SMYD3: variants seen among roughly 807,000 people sequenced by gnomAD.
SMYD3 encodes SET and MYND domain containing 3.
SMYD3 carries 36 observed loss-of-function variants against 57.7 expected under a neutral mutation model. That is an observed-to-expected ratio of 0.62 (90% CI 0.48 to 0.82). The LOEUF (loss-of-function observed/expected upper bound fraction) is 0.82, where lower values mean the gene tolerates loss of function less well. SMYD3 is among the 40% of genes least tolerant of loss of function. The pLI is 0.00. For missense variants in SMYD3, 515 were observed against 538.8 expected, an observed-to-expected ratio of 0.96 and a Z score of 0.44; for synonymous variants, 211 against 195.0, an observed-to-expected ratio of 1.08 and a Z score of -0.68.
At chr1:246,327,762 G>C (rs142126498) in intron 4 of SMYD3, among the ~76,000 whole-genome samples, 1 of 151,968 alleles carries the variant, frequency 6.6e-6, no homozygotes. Flanking sequence ...TCACCTCTAA[G>C]GCAAAAAGAC....
At chr1:246,485,889 T>C (rs2068180288) in intron 1 of SMYD3, among the ~76,000 whole-genome samples, 1 of 152,218 alleles carries the variant, frequency 6.6e-6, no homozygotes, top group African/African-American at 2.4e-5. Flanking sequence ...AACTTCACTT[T>C]TCTTATCTGT....
At chr1:245,965,017 G>A (rs1007563469) in intron 5 of SMYD3, among the ~76,000 whole-genome samples, 3 of 151,754 alleles carry the variant, frequency 2.0e-5, no homozygotes, top group Non-Finnish European at 4.4e-5. Flanking sequence ...AACTACCTCT[G>A]GGCATATCAT....
chr1:245,792,638 T>C (rs987261981), intron 10 of SMYD3, among the ~76,000 whole-genome samples: 4 of 152,338 alleles, frequency 2.6e-5, no homozygotes, highest in African/African-American at 9.6e-5. Context: ...ACATAGTCCA[T>C]CAACATATCT....
chr1:245,809,507 C>T (rs566259839), intron 10 of SMYD3, among the ~76,000 whole-genome samples: 64 of 152,216 alleles, frequency 4.2e-4, no homozygotes, highest in Admixed American at 2.0e-3. Context: ...AAAGAAGTGC[C>T]CCTCCCTGAG....
At chr1:246,051,126 C>A (rs2060059871) in intron 5 of SMYD3, among the ~76,000 whole-genome samples, 1 of 143,628 alleles carries the variant, frequency 7.0e-6, no homozygotes, top group African/African-American at 2.7e-5. Flanking sequence ...CTTTTTTTTT[C>A]TTACTCCTTT....
chr1:245,959,210 C>T (rs1430340189), intron 5 of SMYD3, among the ~76,000 whole-genome samples: 2 of 152,128 alleles, frequency 1.3e-5, no homozygotes, highest in Admixed American at 1.3e-4. Context: ...GATTGACCTG[C>T]CTCAGCCTCC....
chr1:246,173,215 C>T (rs1001099426), intron 5 of SMYD3, among the ~76,000 whole-genome samples: 1 of 151,422 alleles, frequency 6.6e-6, no homozygotes, highest in Non-Finnish European at 1.5e-5. Context: ...CTGTACTCTA[C>T]TGTAGACTTC....
intron 5 of SMYD3, among the ~76,000 whole-genome samples, chr1:246,037,835 G>A (rs1262576341): frequency 2.0e-5 from 3 of 152,180 alleles, no homozygotes; most frequent in Admixed American, 6.5e-5. Flanking sequence ...TGGTTTGTTG[G>A]TCTTTTCATA....
At chr1:246,417,252 T>C (rs1455787344) in intron 1 of SMYD3, 3 of 152,274 alleles carry the variant, frequency 2.0e-5, no homozygotes, top group African/African-American at 7.2e-5. Context: ...ATTTAAGCTG[T>C]GGCTATCTGG....
At chr1:246,115,119 G>T (rs969142136) in intron 5 of SMYD3, among the ~76,000 whole-genome samples, 1 of 152,034 alleles carries the variant, frequency 6.6e-6, no homozygotes, top group Admixed American at 6.5e-5. Context: ...TACCAGAGAG[G>T]AAAGAAGTGT....
rs143013992 is a variant in SMYD3 at position 246,177,648 on chromosome 1, T to A, written c.531+149553A>T. Among the ~76,000 whole-genome samples, 2 of 152,326 alleles carry A rather than the reference T, an allele frequency of 1.3e-5. 1 individual carries two copies. Among genetic ancestry groups the A allele is most frequent in the African/African-American group, 4.8e-5 (2 of 41,578 alleles). On this transcript the variant is annotated intron_variant, in intron 5 of 11. Transcript: ENST00000490107. The stretch of plus-strand genomic sequence containing the variant: ...GTTGAAAGGTGGGGTCTAAAAAGGC[T>A]GTGACCTGCTTTCTAAGTAAAGCCT...
At chr1:246,058,415 T>A (rs2060190789) in intron 5 of SMYD3, among the ~76,000 whole-genome samples, 1 of 152,184 alleles carries the variant, frequency 6.6e-6, no homozygotes. Context: ...TCAAAAATCA[T>A]CTTTTTAAAA....
chr1:246,437,049 G>A (rs370386388), intron 1 of SMYD3, among the ~76,000 whole-genome samples: 26 of 151,822 alleles, frequency 1.7e-4, no homozygotes, highest in South Asian at 1.0e-3. Context: ...ACAGGCACCC[G>A]CCACCACACC....
rs1452408380 is a variant in SMYD3, at chr1:246,029,885, T to C, written c.532-99948A>G. Among the ~76,000 whole-genome samples, 3 of 152,028 alleles carry C rather than the reference T, an allele frequency of 2.0e-5. No homozygotes were observed. In the East Asian group the frequency reaches 5.8e-4, roughly 29 times the overall value. ...CAGAGAAAAGGGAACTCACACACTGTTGGTGGGAATGCAAATAGGTACAGC... is the reference window on the plus strand; with the variant it reads ...CAGAGAAAAGGGAACTCACACACTGCTGGTGGGAATGCAAATAGGTACAGC... On this transcript the variant is annotated intron_variant, in intron 5 of 11. Transcript: ENST00000490107.
chr1:245,865,891 G>A (rs1428837427), intron 8 of SMYD3, among the ~76,000 whole-genome samples: 2 of 152,180 alleles, frequency 1.3e-5, no homozygotes, highest in African/African-American at 4.8e-5. Flanking sequence ...ACTCTTAGAA[G>A]ACACTATTCA....
At chr1:246,457,118 TC>T (rs1371100164) in intron 1 of SMYD3, among the ~76,000 whole-genome samples, 1 of 152,180 alleles carries the variant, frequency 6.6e-6, no homozygotes, top group Non-Finnish European at 1.5e-5. Flanking sequence ...TTAATTCATG[TC>T]CATACTGATC....
At chr1:245,854,571 C>T (rs1340534571) in intron 10 of SMYD3, among the ~76,000 whole-genome samples, 1 of 148,074 alleles carries the variant, frequency 6.8e-6, no homozygotes, top group Non-Finnish European at 1.5e-5. Context: ...AGTTACAGAA[C>T]ATGGGCTAGG....
intron 5 of SMYD3, among the ~76,000 whole-genome samples, chr1:246,082,940 C>G (rs2060661122): frequency 6.8e-6 from 1 of 147,832 alleles, no homozygotes; most frequent in African/African-American, 2.6e-5. Context: ...GAGTCATCAC[C>G]ACTCCCTAAT....
At chr1:246,435,954 C>T (rs1392348043) in intron 1 of SMYD3, among the ~76,000 whole-genome samples, 2 of 152,156 alleles carry the variant, frequency 1.3e-5, no homozygotes, top group Non-Finnish European at 2.9e-5. Context: ...CCTTAATAGT[C>T]TTTGTATCAC....
Sources: allele counts gnomAD v4.1 joint callset (sites outside exome capture counted in the v4.1 genomes callset), GRCh38; gene constraint gnomAD v4.1.1; transcripts MANE v1.5; gene names NCBI Gene and HGNC (gene_info 2026-07-23, HGNC 2026-07-21).